Variants in TG observed in about 807,000 individuals in gnomAD.
TG encodes the protein thyroid hormones.
In TG, 270 loss-of-function variants were observed where a neutral mutation model predicts 324.7. The ratio of observed to expected loss-of-function variants is 0.83; its 90% CI spans 0.75 to 0.92. The LOEUF is 0.92. Ranked by LOEUF, TG falls within the 40% of genes least tolerant of loss-of-function variation. The probability of loss-of-function intolerance (pLI) is 0.00; values close to 1 mark genes in which losing one functional copy is unlikely to be tolerated. For missense variants in TG, 3,591 were observed against 3,456.4 expected (o/e 1.04, Z -0.98); for synonymous variants, 1,401 against 1,327.0 (o/e 1.06, Z -1.21).
At chr8:133,089,113 TCA>T (rs1847086349) in intron 41 of TG, among the ~76,000 whole-genome samples, 1 of 152,078 alleles carries the variant, frequency 6.6e-6, no homozygotes, top group Non-Finnish European at 1.5e-5. Context: ...GCACTCTGGG[TCA>T]CACACTACCC....
rs1834547455 is a variant in TG at position 133,011,943 on chromosome 8, T to A, written c.6305T>A (p.Val2102Asp). Reference sequence around the variant, plus strand: ...CAGTCCCTGGCCCTCTCTTCAGTGGTTGTTGATCCATCCATTAGGCACTTT... The same window carrying A: ...CAGTCCCTGGCCCTCTCTTCAGTGGATGTTGATCCATCCATTAGGCACTTT... ...SWQSLALSSVVVDPSIRHFDV... is the reference protein window; with the variant it reads ...SWQSLALSSVDVDPSIRHFDV... The change falls in exon 36 of 48, where the codon GTT (valine) becomes GAT (aspartate). Residue 2102 changes from valine (V) to aspartate (D), a missense_variant. Physicochemically the swap from Val to Asp is radical, Grantham distance 152. Transcript: ENST00000220616. The A allele has an allele frequency of 1.2e-6, 2 of 1,614,100 alleles. No homozygotes were observed. Among genetic ancestry groups the A allele is most frequent in the African/African-American group, 2.7e-5 (2 of 74,932 alleles).
intron 35 of TG, among the ~76,000 whole-genome samples, chr8:133,009,394 A>G (rs1834298157): frequency 1.3e-5 from 2 of 152,222 alleles, no homozygotes; most frequent in Admixed American, 6.5e-5. Context: ...AGGAAGACAC[A>G]TCTCCTGAGT....
At chr8:133,009,438 A>G (rs934989134) in intron 35 of TG, among the ~76,000 whole-genome samples, 1 of 152,102 alleles carries the variant, frequency 6.6e-6, no homozygotes, top group South Asian at 2.1e-4. Flanking sequence ...AGGACAGAGT[A>G]TGGAGGTTTA....
chr8:133,054,827 T>C (rs910141275), intron 41 of TG, among the ~76,000 whole-genome samples: 1 of 152,212 alleles, frequency 6.6e-6, no homozygotes, highest in African/African-American at 2.4e-5. Context: ...AGGCAGGCCT[T>C]ACGGGACTTA....
At chr8:132,900,156 A>G in intron 14 of TG, 81 bp from the exon 15 acceptor site, 1 of 1,235,704 alleles carries the variant, frequency 8.1e-7, no homozygotes, top group Non-Finnish European at 1.2e-6. Context: ...TGGAAGGGAC[A>G]CTTTTGACAT....
At chr8:132,913,295 T>A (rs1190142856) in intron 20 of TG, 30 bp downstream of exon 20, 3 of 1,601,964 alleles carry the variant, frequency 1.9e-6, no homozygotes, top group Non-Finnish European at 2.6e-6. Flanking sequence ...GGATATCTCC[T>A]GTGGAGCCAT....
intron 28 of TG, among the ~76,000 whole-genome samples, chr8:132,961,677 G>A (rs1272044226): frequency 6.6e-6 from 1 of 152,194 alleles, no homozygotes; most frequent in African/African-American, 2.4e-5. Context: ...GCACAGCCCT[G>A]ACTATTGAAG....
chr8:133,107,984 T>C lies in TG; in HGVS notation c.7573-5438T>C, dbSNP rs922221413. ...AGTCCTTTTTCTTTTCTTTTCTTCT[T>C]TTTTTTTTTTTTTTTTTGAGACAGA... On this transcript the variant is annotated intron_variant, in intron 43 of 47. Transcript: ENST00000220616. Among the ~76,000 whole-genome samples the C allele has an allele frequency of 6.5e-5, 9 of 138,364 alleles. 1 individual carries two copies. The highest frequency in any genetic ancestry group is 6.4e-4 in the Admixed American group (9 of 14,096). 90.8% of individuals were successfully genotyped at this position (138,364 alleles called of 152,430 possible).
At chr8:132,950,074 G>A (rs927204494) in intron 27 of TG, among the ~76,000 whole-genome samples, 1 of 152,238 alleles carries the variant, frequency 6.6e-6, no homozygotes, top group African/African-American at 2.4e-5. Context: ...CTAACAAGTG[G>A]TCCAGATAAT....
chr8:132,938,389 C>A (rs1288563682), intron 25 of TG, among the ~76,000 whole-genome samples: 1 of 152,114 alleles, frequency 6.6e-6, no homozygotes, highest in African/African-American at 2.4e-5. Context: ...CCCAAAGGTT[C>A]TTTAGAGATT....
chr8:132,882,517 T>C lies in TG; in HGVS notation c.794T>C (p.Leu265Pro). The stretch of plus-strand genomic sequence containing the variant: ...ATTTATGACACCATTTTTGCTGGCC[T>C]GGACCTTCCTTCCACCTTCACTGAA... The part of the protein sequence containing the change: ...DEIYDTIFAG[L>P]DLPSTFTETT... The change falls in exon 7 of 48, where the codon CTG becomes CCG. Residue 265 changes from leucine to proline, a missense_variant. Transcript: ENST00000220616. The C allele has an allele frequency of 6.2e-7, 1 of 1,614,240 alleles. No individual in the cohort carries two copies.
At chr8:133,014,908 CAG>C (rs1385626777) in intron 37 of TG, among the ~76,000 whole-genome samples, 2 of 152,100 alleles carry the variant, frequency 1.3e-5, no homozygotes, top group African/African-American at 4.8e-5. Flanking sequence ...TTTTCTGAGA[CAG>C]AGTCTCACTC....
At chr8:133,063,239 T>G (rs1842631024) in intron 41 of TG, among the ~76,000 whole-genome samples, 1 of 151,520 alleles carries the variant, frequency 6.6e-6, no homozygotes, top group South Asian at 2.1e-4. Context: ...CCCCATAAGT[T>G]CCACCCCTCC....
intron 27 of TG, among the ~76,000 whole-genome samples, chr8:132,951,190 C>G (rs1385921795): frequency 6.6e-6 from 1 of 152,162 alleles, no homozygotes; most frequent in Admixed American, 6.5e-5. Context: ...ATTTTAAAAA[C>G]TGAATTGTGT....
At chr8:132,934,706 C>A (rs911117511) in intron 24 of TG, among the ~76,000 whole-genome samples, 2 of 152,180 alleles carry the variant, frequency 1.3e-5, no homozygotes, top group African/African-American at 4.8e-5. Context: ...CTTGCTGTAG[C>A]CCCTGTCCTC....
At position 133,095,140 on chromosome 8, in the gene TG, T is replaced by C. The variant is rs905016241; in HGVS notation, c.7336T>C (p.Ser2446Pro). The C allele has an allele frequency of 6.2e-7, 1 of 1,614,096 alleles. No homozygotes were observed. Among genetic ancestry groups the C allele is most frequent in the African/African-American group, 1.3e-5 (1 of 74,936 alleles). Residue 2446 changes from serine (S) to proline (P), a missense_variant, in exon 42 of 48, where the codon TCC becomes CCC. Coordinates refer to ENST00000220616, the MANE Select transcript of TG (RefSeq NM_003235.5). ...AAAGGAGGTCAGTTGCCCCATGTCA[T>C]CCAGCCAAGAAGTGGTGTCCTGCCT... ...LAKEVSCPMS[S>P]SQEVVSCLRQ...
intron 39 of TG, among the ~76,000 whole-genome samples, chr8:133,020,799 G>C (rs1835487935): frequency 6.6e-6 from 1 of 152,160 alleles, no homozygotes; most frequent in Non-Finnish European, 1.5e-5. Flanking sequence ...TACCACCTTG[G>C]GTGGAAGATC....
At chr8:132,971,392 C>T (rs1295062113) in intron 32 of TG, among the ~76,000 whole-genome samples, 1 of 152,202 alleles carries the variant, frequency 6.6e-6, no homozygotes, top group Non-Finnish European at 1.5e-5. Context: ...GGACTCTCCT[C>T]TTTCTAGAAA....
intron 5 of TG, among the ~76,000 whole-genome samples, chr8:132,881,521 G>C (rs1310579184): frequency 1.2e-4 from 19 of 152,174 alleles, no homozygotes; most frequent in Admixed American, 9.8e-4. Context: ...TTCCAGGAAA[G>C]GAACCAGTTA....
Sources: allele counts gnomAD v4.1 joint callset (sites outside exome capture counted in the v4.1 genomes callset), GRCh38; gene constraint gnomAD v4.1.1; transcripts MANE v1.5; gene names NCBI Gene and HGNC (gene_info 2026-07-23, HGNC 2026-07-21).